USP6NL: variants seen among roughly 807,000 people sequenced by gnomAD.
USP6NL encodes USP6 N-terminal-like protein.
In USP6NL, 26 loss-of-function variants were observed where a neutral mutation model predicts 61.9. The observed-to-expected ratio is 0.42, with a 90% CI of 0.31 to 0.58. USP6NL has a LOEUF of 0.58. Ranked by LOEUF, USP6NL falls within the 20% of genes least tolerant of loss-of-function variation. USP6NL has a pLI of 0.16. For synonymous variants in USP6NL, 432 were observed against 390.1 expected (o/e 1.11, Z -1.27); for missense variants, 1,114 against 1,034.3 (o/e 1.08, Z -1.06).
rs1431712615 is a variant in USP6NL, at chr10:11,499,865, T to C, written c.384+1236A>G. 6.6e-6 allele frequency among the ~76,000 whole-genome samples: 1 copy of C among 152,226 alleles called. No individual in the cohort carries two copies. Among genetic ancestry groups the C allele is most frequent in the Non-Finnish European group, 1.5e-5 (1 of 68,040 alleles). On this transcript the variant is annotated intron_variant, in intron 7 of 14. Transcript: ENST00000609104. This position sits in a 1 kb window ranked among gnomAD's most constrained non-coding sequence, Gnocchi z 4.5. The stretch of plus-strand genomic sequence containing the variant: ...CTTGGTTACAGCAGCCCTAAATGAA[T>C]ACAGCATGTAAATAAAGTGCTTTTT...
chr10:11,517,953 G>A (rs144433097), intron 5 of USP6NL, among the ~76,000 whole-genome samples: 1 of 152,166 alleles, frequency 6.6e-6, no homozygotes, highest in Non-Finnish European at 1.5e-5. Flanking sequence ...TACTTCAAAC[G>A]CATGCCTGGG....
chr10:11,591,058 C>T lies in USP6NL; in HGVS notation c.4+6573G>A, dbSNP rs529557523. 5.8e-4 allele frequency among the ~76,000 whole-genome samples: 89 copies of T among 152,188 alleles called. 1 individual carries two copies. In the South Asian group the frequency reaches 0.017, roughly 30 times the overall value. ...ATGATCTATCTAGTGCCTACATTTA[C>T]GAATGAGTAAAGGATGTGTGGGGAG... On this transcript the variant is annotated intron_variant, in intron 2 of 14. Coordinates refer to ENST00000609104, the MANE Select transcript of USP6NL (RefSeq NM_014688.5). This position sits in a 1 kb window ranked among gnomAD's most constrained non-coding sequence, Gnocchi z 4.7.
chr10:11,542,446 C>T (rs1004336385), intron 2 of USP6NL, among the ~76,000 whole-genome samples: 6 of 152,150 alleles, frequency 3.9e-5, no homozygotes, highest in Admixed American at 2.0e-4. Flanking sequence ...AGGCTGGGCA[C>T]AGTGGCTCAT....
chr10:11,506,511 T>TG (rs956343027), intron 6 of USP6NL, among the ~76,000 whole-genome samples: 8 of 151,826 alleles, frequency 5.3e-5, no homozygotes, highest in African/African-American at 1.9e-4. Context: ...TTAGCAGGCA[T>TG]GGTGGTGCTT....
chr10:11,530,012 G>C (rs1046126225), intron 2 of USP6NL, among the ~76,000 whole-genome samples: 12 of 146,900 alleles, frequency 8.2e-5, no homozygotes, highest in African/African-American at 2.8e-4. Flanking sequence ...TGAAGCAGGA[G>C]AATCGCTTGA....
intron 2 of USP6NL, among the ~76,000 whole-genome samples, chr10:11,565,887 A>C (rs962123111): frequency 5.3e-5 from 8 of 151,788 alleles, no homozygotes; most frequent in Admixed American, 5.3e-4. Flanking sequence ...CGTAGTTTTG[A>C]TATTAATAGC....
intron 14 of USP6NL, among the ~76,000 whole-genome samples, chr10:11,473,803 CA>C (rs1159777588): frequency 6.6e-6 from 1 of 152,120 alleles, no homozygotes. Context: ...CAGTTAATTA[CA>C]AATTATTGCC....
At chr10:11,555,471 A>AGAGAGAGAGAGAGAG (rs1566178235) in intron 2 of USP6NL, among the ~76,000 whole-genome samples, 4 of 62,210 alleles carry the variant, frequency 6.4e-5, no homozygotes, top group East Asian at 1.9e-3. Flanking sequence ...GAGAGAGAGA[A>AGAGAGAGAGAGAGAG]AGAGAGAGAG....
chr10:11,514,765 A>G (rs1834883535), intron 5 of USP6NL, among the ~76,000 whole-genome samples: 1 of 152,218 alleles, frequency 6.6e-6, no homozygotes, highest in Non-Finnish European at 1.5e-5. Context: ...GCTTCTCACC[A>G]ATGAAATTTT....
intron 14 of USP6NL, among the ~76,000 whole-genome samples, chr10:11,475,596 C>CAAAAAA (rs35589300): frequency 4.6e-3 from 177 of 38,234 alleles, no homozygotes; most frequent in Non-Finnish European, 5.6e-3. Flanking sequence ...AACTCTGTCG[C>CAAAAAA]AAAAAAAAAA....
At position 11,460,779 on chromosome 10, in the gene USP6NL, A is replaced by G. The variant is rs1168495800; in HGVS notation, c.*1662T>C. The G allele has an allele frequency of 6.6e-6, 1 of 152,198 alleles. No individual in the cohort carries two copies. The highest frequency in any genetic ancestry group is 1.5e-5 in the Non-Finnish European group (1 of 67,928). The allele number at this position is 152,198 out of a possible 1,614,324, so 9.4% of individuals were successfully genotyped here. A position where few individuals can be genotyped will look rare whatever the true frequency, so the allele number is the denominator to read the frequency against. On this transcript the variant is annotated 3_prime_UTR_variant, in exon 15 of 15. Coordinates refer to ENST00000609104, the MANE Select transcript of USP6NL (RefSeq NM_014688.5). ...ACAGAATTATGGTTATATAATGGGAATTAATATCCTCAGCTACATATTTAT... is the reference window on the plus strand; with the variant it reads ...ACAGAATTATGGTTATATAATGGGAGTTAATATCCTCAGCTACATATTTAT...
intron 2 of USP6NL, among the ~76,000 whole-genome samples, chr10:11,542,646 G>A (rs1393358975): frequency 6.6e-6 from 1 of 152,160 alleles, no homozygotes; most frequent in Non-Finnish European, 1.5e-5. Context: ...CTGAACCCGG[G>A]AGACAGAGTT....
chr10:11,568,428 A>T (rs940448716), intron 2 of USP6NL, among the ~76,000 whole-genome samples: 1 of 152,184 alleles, frequency 6.6e-6, no homozygotes, highest in Admixed American at 6.5e-5. Flanking sequence ...CCAACTCCCA[A>T]ATCAATATCC....
chr10:11,534,856 T>C (rs1257078537), intron 2 of USP6NL, among the ~76,000 whole-genome samples: 2 of 152,222 alleles, frequency 1.3e-5, no homozygotes, highest in African/African-American at 4.8e-5. Flanking sequence ...CAATAAAATA[T>C]AGACAATGTC....
At chr10:11,535,707 T>C (rs1835805951) in intron 2 of USP6NL, among the ~76,000 whole-genome samples, 1 of 152,242 alleles carries the variant, frequency 6.6e-6, no homozygotes, top group South Asian at 2.1e-4. Flanking sequence ...CTGAATAAGT[T>C]ATTTGTGTCT....
chr10:11,513,907 G>C lies in USP6NL; in HGVS notation c.196-4232C>G, dbSNP rs1344195694. On this transcript the variant is annotated intron_variant, in intron 5 of 14. Transcript: ENST00000609104. This position sits in a 1 kb window ranked among gnomAD's most constrained non-coding sequence, Gnocchi z 4.7. ...CTTGGCCTTTGTCTCTGATGACACT[G>C]ATGTTTTGAAAAGTCAAGGCCACAC... is the stretch of plus-strand genomic sequence containing the variant. Among the ~76,000 whole-genome samples the C allele has an allele frequency of 6.6e-6, 1 of 152,160 alleles. No individual in the cohort carries two copies. Among genetic ancestry groups the C allele is most frequent in the Admixed American group, 6.5e-5 (1 of 15,276 alleles).
At chr10:11,570,722 C>T (rs1837323770) in intron 2 of USP6NL, among the ~76,000 whole-genome samples, 1 of 152,198 alleles carries the variant, frequency 6.6e-6, no homozygotes, top group Admixed American at 6.5e-5. Context: ...TTACGCCTTA[C>T]ACACATCTGA....
intron 6 of USP6NL, among the ~76,000 whole-genome samples, chr10:11,503,449 T>C (rs920292617): frequency 2.0e-5 from 3 of 152,188 alleles, no homozygotes; most frequent in Non-Finnish European, 4.4e-5. Flanking sequence ...ATGGCTGTGA[T>C]TACATTAAAA....
chr10:11,494,471 G>A (rs1833829878), intron 7 of USP6NL, among the ~76,000 whole-genome samples: 1 of 151,256 alleles, frequency 6.6e-6, no homozygotes, highest in Non-Finnish European at 1.5e-5. Context: ...GTTTCTCCCC[G>A]TGTGTGGCGA....
Sources: allele counts gnomAD v4.1 joint callset (sites outside exome capture counted in the v4.1 genomes callset), GRCh38; gene constraint gnomAD v4.1.1; non-coding constraint Gnocchi (gnomAD v3.1); transcripts MANE v1.5; gene names NCBI Gene and HGNC (gene_info 2026-07-23, HGNC 2026-07-21).